STK3: variants seen among roughly 807,000 people sequenced by gnomAD.
STK3 encodes the protein serine/threonine-protein kinase 3.
A neutral mutation model predicts 58.0 loss-of-function variants in STK3; 41 were observed. The ratio of observed to expected loss-of-function variants is 0.71; its 90% CI spans 0.55 to 0.92. The LOEUF (loss-of-function observed/expected upper bound fraction) is 0.92, where lower values mean the gene tolerates loss of function less well. Ranked by LOEUF, STK3 falls within the 40% of genes least tolerant of loss-of-function variation. STK3 has a pLI of 0.00. For synonymous variants in STK3, 170 were observed against 191.0 expected, an observed-to-expected ratio of 0.89 and a Z score of 0.91; for missense variants, 479 against 602.7, an observed-to-expected ratio of 0.79 and a Z score of 2.15.
chr8:98,717,834 G>A (rs1173617429), intron 4 of STK3, among the ~76,000 whole-genome samples: 3 of 152,156 alleles, frequency 2.0e-5, no homozygotes, highest in Non-Finnish European at 4.4e-5. Context: ...GTAAAATGTG[G>A]TAGAAACATA....
At chr8:98,479,500 G>A (rs1315013073) in intron 10 of STK3, among the ~76,000 whole-genome samples, 3 of 84,236 alleles carry the variant, frequency 3.6e-5, no homozygotes, top group East Asian at 4.0e-4. Context: ...GGGGGGGGGG[G>A]GGCGGGAAAG....
chr8:98,700,172 G>C (rs952607724), intron 6 of STK3, among the ~76,000 whole-genome samples: 1 of 152,242 alleles, frequency 6.6e-6, no homozygotes, highest in Non-Finnish European at 1.5e-5. Flanking sequence ...TCTGATCCAA[G>C]TGCGGGATAT....
chr8:98,594,056 C>A (rs1815584753), intron 7 of STK3, among the ~76,000 whole-genome samples: 1 of 152,032 alleles, frequency 6.6e-6, no homozygotes, highest in African/African-American at 2.4e-5. Context: ...GCCTATAATC[C>A]CAGGAATTTG....
intron 3 of STK3, among the ~76,000 whole-genome samples, chr8:98,869,022 A>G (rs925609807): frequency 1.1e-4 from 12 of 111,770 alleles, no homozygotes; most frequent in Non-Finnish European, 1.3e-4. Flanking sequence ...GAAAAAGGAA[A>G]GAAGGAAGGA....
chr8:98,694,244 A>T (rs918397371), intron 6 of STK3, among the ~76,000 whole-genome samples: 1 of 152,204 alleles, frequency 6.6e-6, no homozygotes, highest in Admixed American at 6.5e-5. Flanking sequence ...TGAAAACATC[A>T]TTCATCAAAA....
intron 3 of STK3, 87 bp downstream of exon 3, chr8:98,767,156 C>T (rs2131444088): frequency 7.2e-7 from 1 of 1,382,330 alleles, no homozygotes; most frequent in East Asian, 2.5e-5. Context: ...GAAAACTAAA[C>T]AGATGATCAA....
the STK3 span, among the ~76,000 whole-genome samples, chr8:98,351,377 T>C: frequency 2.0e-5 from 3 of 152,214 alleles, no homozygotes; most frequent in Non-Finnish European, 4.4e-5. Flanking sequence ...AGAGATCTTA[T>C]GTAAAACACT....
At chr8:98,453,590 T>C (rs950481425), downstream of STK3, among the ~76,000 whole-genome samples, 2 of 152,324 alleles carry the variant, frequency 1.3e-5, no homozygotes, top group South Asian at 2.1e-4. Flanking sequence ...TACACTTAAA[T>C]AGACATAGAT....
chr8:98,910,939 C>T (rs1186748044), intron 1 of STK3, among the ~76,000 whole-genome samples: 1 of 152,184 alleles, frequency 6.6e-6, no homozygotes, highest in East Asian at 1.9e-4. Flanking sequence ...AGTGGTCAGC[C>T]ATCGCACTTA....
intron 6 of STK3, among the ~76,000 whole-genome samples, chr8:98,617,535 G>C (rs1322783320): frequency 1.3e-5 from 2 of 150,686 alleles, no homozygotes; most frequent in Non-Finnish European, 3.0e-5. Flanking sequence ...CTGGTTTTTT[G>C]AAAGGATCAA....
At chr8:98,916,378 C>T (rs1349567358) in intron 1 of STK3, among the ~76,000 whole-genome samples, 1 of 152,202 alleles carries the variant, frequency 6.6e-6, no homozygotes, top group Non-Finnish European at 1.5e-5. Context: ...CACGCCACTG[C>T]ACTCTAGCCT....
chr8:98,739,260 C>G (rs1014123473), intron 4 of STK3, among the ~76,000 whole-genome samples: 3 of 152,220 alleles, frequency 2.0e-5, no homozygotes, highest in African/African-American at 7.2e-5. Context: ...CAGCACGCAG[C>G]TGGAGATCTG....
At chr8:98,662,708 G>A (rs1392682971) in intron 6 of STK3, among the ~76,000 whole-genome samples, 2 of 151,126 alleles carry the variant, frequency 1.3e-5, no homozygotes, top group Non-Finnish European at 2.9e-5. Context: ...AAGTTTTAGG[G>A]TACATGTGCA....
chr8:98,745,440 T>C (rs957957272), intron 4 of STK3, among the ~76,000 whole-genome samples: 13 of 152,134 alleles, frequency 8.5e-5, no homozygotes, highest in Non-Finnish European at 1.5e-5. Context: ...CTGGTAGTGA[T>C]AAACTAGATA....
At chr8:98,858,467 G>A (rs1399760526) in intron 3 of STK3, among the ~76,000 whole-genome samples, 4 of 148,336 alleles carry the variant, frequency 2.7e-5, no homozygotes, top group East Asian at 2.0e-4. Flanking sequence ...ACATCCATCC[G>A]GTAATTTTTT....
intron 9 of STK3, among the ~76,000 whole-genome samples, chr8:98,542,069 G>A (rs1159101012): frequency 6.6e-6 from 1 of 152,242 alleles, no homozygotes; most frequent in Admixed American, 6.5e-5. Flanking sequence ...GTGCTAAATG[G>A]TAGTGAAATG....
intron 1 of STK3, among the ~76,000 whole-genome samples, chr8:98,385,009 C>T (rs1192777477): frequency 6.6e-6 from 1 of 152,178 alleles, no homozygotes; most frequent in Non-Finnish European, 1.5e-5. Context: ...AGCAGGCATC[C>T]ATCCATTGCT....
chr8:98,732,739 A>C (rs535265424), intron 4 of STK3, among the ~76,000 whole-genome samples: 1 of 152,336 alleles, frequency 6.6e-6, no homozygotes, highest in African/African-American at 2.4e-5. Context: ...CAATAAGTCC[A>C]CATTAGAACA....
At chr8:98,589,623 C>T (rs1374250924) in intron 7 of STK3, among the ~76,000 whole-genome samples, 1 of 152,254 alleles carries the variant, frequency 6.6e-6, no homozygotes, top group Non-Finnish European at 1.5e-5. Flanking sequence ...TGGTGGGCTC[C>T]ACCCAGTTCG....
Sources: gnomAD v4.1 joint callset for allele counts (sites outside exome capture counted in the v4.1 genomes callset) on GRCh38, gnomAD v4.1.1 for gene constraint, MANE v1.5 for transcripts, NCBI Gene and HGNC (gene_info 2026-07-23, HGNC 2026-07-21) for gene names.